TTLL5: variants seen among roughly 807,000 people sequenced by gnomAD.
TTLL5 encodes tubulin polyglutamylase TTLL5.
In TTLL5, 132 loss-of-function variants were observed where a neutral mutation model predicts 168.4. The observed-to-expected ratio is 0.78, with a 90% CI of 0.68 to 0.91. TTLL5 has a LOEUF of 0.91. Ranked by LOEUF, TTLL5 falls within the 40% of genes least tolerant of loss-of-function variation. The pLI, the probability that TTLL5 is intolerant of heterozygous loss-of-function variation, is 0.00. For missense variants in TTLL5, 1,545 were observed against 1,581.5 expected (o/e 0.98, Z 0.39); for synonymous variants, 546 against 558.6 (o/e 0.98, Z 0.32).
At chr14:75,683,062 G>A (rs1046042682) in intron 4 of TTLL5, among the ~76,000 whole-genome samples, 35 of 152,286 alleles carry the variant, frequency 2.3e-4, no homozygotes, top group African/African-American at 7.0e-4. Context: ...ATGAGCCACC[G>A]CACTTGTCCG....
intron 13 of TTLL5, 73 bp downstream of exon 13, chr14:75,732,492 A>G (rs1486438686): frequency 1.2e-5 from 16 of 1,308,004 alleles, no homozygotes; most frequent in Admixed American, 1.9e-5. Flanking sequence ...TTTTTTGATC[A>G]TTTCTCTTGG....
rs780419945 is a variant in TTLL5 at position 75,681,608 on chromosome 14, C to T, written c.245C>T (p.Thr82Ile). 1.1e-5 allele frequency: 17 copies of T among 1,613,410 alleles called. No individual in the cohort carries two copies. The South Asian group carries it at 1.8e-4, about 17-fold the overall frequency. The change falls in exon 4 of 32, where the codon ACA becomes ATA. Residue 82 changes from threonine (T) to isoleucine (I), a missense_variant. Transcript: ENST00000298832. The part of the protein sequence containing the change: ...TDSRLVRSIL[T>I]AHGFHEVHPS... Reference sequence around the variant, plus strand: ...AGTCGCCTAGTACGCAGCATTCTGACAGCCCATGGATTTCATGAAGTAAGT... The same window carrying T: ...AGTCGCCTAGTACGCAGCATTCTGATAGCCCATGGATTTCATGAAGTAAGT...
At chr14:75,807,307 G>A (rs2140381266) in intron 27 of TTLL5, among the ~76,000 whole-genome samples, 1 of 152,236 alleles carries the variant, frequency 6.6e-6, no homozygotes, top group African/African-American at 2.4e-5. Flanking sequence ...AATTAGCCAG[G>A]TGCGGTGGCA....
intron 31 of TTLL5, among the ~76,000 whole-genome samples, chr14:75,911,085 C>G (rs1181436782): frequency 1.3e-5 from 2 of 152,098 alleles, no homozygotes; most frequent in Non-Finnish European, 2.9e-5. Context: ...TGGAGTGCAG[C>G]GGCATGATCT....
chr14:75,820,225 C>T, intron 28 of TTLL5, 64 bp downstream of exon 28: 3 of 1,460,372 alleles, frequency 2.1e-6, no homozygotes, highest in Non-Finnish European at 2.7e-6. Flanking sequence ...CCCAAGCAAG[C>T]CATTCCCACC....
At chr14:75,758,475 T>G (rs1037439800) in intron 18 of TTLL5, among the ~76,000 whole-genome samples, 2 of 152,182 alleles carry the variant, frequency 1.3e-5, no homozygotes, top group Non-Finnish European at 2.9e-5. Context: ...TATAACATAC[T>G]GCTGTTAACT....
At chr14:75,924,044 C>CTTTT (rs55779705) in intron 31 of TTLL5, among the ~76,000 whole-genome samples, 1 of 142,918 alleles carries the variant, frequency 7.0e-6, no homozygotes, top group African/African-American at 2.6e-5. Context: ...GCAACCCCAG[C>CTTTT]TTTTTTTTTT....
chr14:75,737,664 A>T, intron 15 of TTLL5: 1 of 1,499,940 alleles, frequency 6.7e-7, no homozygotes, highest in Admixed American at 2.2e-5. Context: ...CTCCAAATGG[A>T]AAGTTTTTTA....
intron 31 of TTLL5, among the ~76,000 whole-genome samples, chr14:75,947,667 G>C (rs1485854215): frequency 6.6e-6 from 1 of 152,162 alleles, no homozygotes; most frequent in African/African-American, 2.4e-5. Context: ...TTAAGAGGCT[G>C]TGCATAGTGG....
chr14:75,708,524 A>G (rs973987085), intron 9 of TTLL5, among the ~76,000 whole-genome samples: 16 of 151,886 alleles, frequency 1.1e-4, no homozygotes, highest in African/African-American at 3.6e-4. Context: ...ACGAGGTTTC[A>G]CTGTGTTAGC....
rs186860937 is a variant in TTLL5, at chr14:75,804,643, G to T, written c.3171+11543G>T. Among the ~76,000 whole-genome samples the T allele has an allele frequency of 2.2e-3, 337 of 152,292 alleles. 1 individual carries two copies. The highest frequency in any genetic ancestry group is 7.7e-3 in the African/African-American group (318 of 41,568). ...ATATTCTTTCTTAGTAGAAAAAGTTGTTGTTCTTTTTACCATATACATTAT... is the reference window on the plus strand; with the variant it reads ...ATATTCTTTCTTAGTAGAAAAAGTTTTTGTTCTTTTTACCATATACATTAT... On this transcript the variant is annotated intron_variant, in intron 27 of 31. Transcript: ENST00000298832.
At chr14:75,878,950 C>T (rs1036709888) in intron 29 of TTLL5, among the ~76,000 whole-genome samples, 1 of 151,934 alleles carries the variant, frequency 6.6e-6, no homozygotes, top group Non-Finnish European at 1.5e-5. Context: ...GATATAAATA[C>T]ACATTTGCCT....
At chr14:75,666,825 C>T (rs1021916267) in intron 2 of TTLL5, among the ~76,000 whole-genome samples, 6 of 152,288 alleles carry the variant, frequency 3.9e-5, no homozygotes, top group African/African-American at 9.6e-5. Context: ...AAATTATTCC[C>T]GGAAAACCAA....
At chr14:75,732,305 G>T (rs1280847840) in intron 12 of TTLL5, 33 bp from the exon 13 acceptor site, 2 of 1,590,238 alleles carry the variant, frequency 1.3e-6, no homozygotes, top group South Asian at 2.2e-5. Flanking sequence ...CATGGAAAAT[G>T]ATCTTGTGTA....
At chr14:75,704,907 G>T (rs1005171302) in intron 7 of TTLL5, among the ~76,000 whole-genome samples, 1 of 152,178 alleles carries the variant, frequency 6.6e-6, no homozygotes, top group Non-Finnish European at 1.5e-5. Context: ...GAGAGGAAAT[G>T]GGCATGGGCG....
At chr14:75,815,855 T>A (rs557847854) in intron 27 of TTLL5, among the ~76,000 whole-genome samples, 61 of 152,354 alleles carry the variant, frequency 4.0e-4, no homozygotes, top group Non-Finnish European at 6.3e-4. Flanking sequence ...TTTCTCCACT[T>A]GTGAAATGGT....
chr14:75,711,090 C>G (rs995874778), intron 9 of TTLL5: 1 of 152,054 alleles, frequency 6.6e-6, no homozygotes, highest in African/African-American at 2.4e-5. Context: ...CGTGAAAACC[C>G]TAGTTTCTGT....
intron 31 of TTLL5, among the ~76,000 whole-genome samples, chr14:75,947,244 A>G (rs28520982): frequency 0.011 from 1,726 of 152,354 alleles, 31 homozygotes; most frequent in African/African-American, 0.04. Flanking sequence ...CTTTTAGGCT[A>G]TTAAAACAAG....
chr14:75,783,185 T>G lies in TTLL5; in HGVS notation c.2641T>G (p.Tyr881Asp), dbSNP rs1428698876. Residue 881 changes from tyrosine to aspartate, a missense_variant, in exon 26 of 32, where the codon TAT (tyrosine) becomes GAT (aspartate). Physicochemically the swap from Tyr to Asp is radical, Grantham distance 160. Coordinates refer to ENST00000298832, the MANE Select transcript of TTLL5 (RefSeq NM_015072.5). ...AGCAGAAAAAGAGGCAAAATTAGTT[T>G]ATAGCAATTCCTCCTCTGGTCCTAC... ...TSAEKEAKLV[Y>D]SNSSSGPTAT... 6.2e-7 allele frequency: 1 copy of G among 1,613,258 alleles called. No homozygotes were observed. The highest frequency in any genetic ancestry group is 1.3e-5 in the African/African-American group (1 of 74,948).
Sources: gnomAD v4.1 joint callset for allele counts (sites outside exome capture counted in the v4.1 genomes callset) on GRCh38, gnomAD v4.1.1 for gene constraint, MANE v1.5 for transcripts, NCBI Gene and HGNC (gene_info 2026-07-23, HGNC 2026-07-21) for gene names.